The following PLD5 variants were observed in gnomAD, a reference collection of about 807,000 sequenced individuals.
The protein encoded by PLD5 is inactive phospholipase D5.
A neutral mutation model predicts 61.1 loss-of-function variants in PLD5; 36 were observed. That is an observed-to-expected ratio of 0.59 (90% CI 0.45 to 0.78). The LOEUF (loss-of-function observed/expected upper bound fraction) is 0.78. Ranked by LOEUF, PLD5 falls within the 30% of genes least tolerant of loss-of-function variation. The pLI is 0.00. For synonymous variants in PLD5, 243 were observed against 242.8 expected, an observed-to-expected ratio of 1.00 and a Z score of -0.01; for missense variants, 515 against 644.4, an observed-to-expected ratio of 0.80 and a Z score of 2.17.
chr1:242,386,752 G>T (rs532156287), intron 1 of PLD5, among the ~76,000 whole-genome samples: 1 of 152,288 alleles, frequency 6.6e-6, no homozygotes, highest in East Asian at 1.9e-4. Flanking sequence ...CTTTATAATA[G>T]AATTTCGAGA....
intron 1 of PLD5, among the ~76,000 whole-genome samples, chr1:242,388,607 G>A (rs183292460): frequency 2.6e-5 from 4 of 152,232 alleles, no homozygotes; most frequent in Non-Finnish European, 5.9e-5. Context: ...TGTTCGGTAC[G>A]CAGGTGATGC....
chr1:242,475,348 G>T (rs1354858980), intron 1 of PLD5, among the ~76,000 whole-genome samples: 1 of 149,122 alleles, frequency 6.7e-6, no homozygotes, highest in South Asian at 2.1e-4. Context: ...GCGTGAACCC[G>T]GGAAGCGGAG....
chr1:242,118,071 T>C (rs1454308645), intron 6 of PLD5, among the ~76,000 whole-genome samples: 2 of 152,176 alleles, frequency 1.3e-5, no homozygotes, highest in African/African-American at 4.8e-5. Flanking sequence ...GGCAGAGTTA[T>C]CTGTGGTCTC....
rs776204773 is a variant in PLD5 at position 242,169,571 on chromosome 1, C to T, written c.736-44906G>A. On this transcript the variant is annotated intron_variant, in intron 5 of 9. Transcript: ENST00000536534. Reference sequence around the variant, plus strand: ...ACCCCAGTGGTGCCTGGAATGCCAGCGAGACAGAACTATTCACCCCCCTGC... The same window carrying T: ...ACCCCAGTGGTGCCTGGAATGCCAGTGAGACAGAACTATTCACCCCCCTGC... Among the ~76,000 whole-genome samples the T allele has an allele frequency of 1.5e-4, 23 of 152,276 alleles. No homozygotes were observed. The South Asian group carries it at 2.1e-3, about 14-fold the overall frequency.
rs1285854255 is a variant in PLD5 at position 242,394,206 on chromosome 1, G to GTA, written c.190-45966_190-45965dup. Among the ~76,000 whole-genome samples, 35 of 37,338 alleles carry GTA rather than the reference G, an allele frequency of 9.4e-4. 7 individuals are homozygous for GTA. Among genetic ancestry groups the GTA allele is most frequent in the Non-Finnish European group, 1.5e-3 (28 of 18,486 alleles). The allele number at this position is 37,338 out of a possible 152,430, so 24.5% of individuals were successfully genotyped here. On this transcript the variant is annotated intron_variant, in intron 1 of 9. Coordinates refer to ENST00000536534, the MANE Select transcript of PLD5 (RefSeq NM_001372062.1). ...TGAGTATATATGAGTATATATATGT[G>GTA]TATATGAGTATATATATGTGTATAT...
chr1:242,222,230 C>T (rs1386975631), intron 4 of PLD5, among the ~76,000 whole-genome samples: 2 of 152,116 alleles, frequency 1.3e-5, no homozygotes, highest in African/African-American at 4.8e-5. Flanking sequence ...TGTAAAATCC[C>T]CATTTTCAAG....
intron 1 of PLD5, among the ~76,000 whole-genome samples, chr1:242,493,571 G>A (rs1029061632): frequency 2.6e-5 from 4 of 152,048 alleles, no homozygotes; most frequent in East Asian, 1.9e-4. Flanking sequence ...TGCCCTCGCC[G>A]CCACCTCCAA....
chr1:242,143,769 G>C (rs2148797146), intron 5 of PLD5, among the ~76,000 whole-genome samples: 1 of 152,160 alleles, frequency 6.6e-6, no homozygotes, highest in East Asian at 1.9e-4. Context: ...TGACTAGAGG[G>C]GGCTGATACT....
chr1:242,404,875 ATTTT>A (rs11361107), intron 1 of PLD5, among the ~76,000 whole-genome samples: 6 of 75,408 alleles, frequency 8.0e-5, no homozygotes, highest in Admixed American at 2.0e-4. Flanking sequence ...TTCCCTGCTA[ATTTT>A]TTTTTTTTTT....
Position 242,252,417 on chromosome 1 carries a change from G to A in PLD5, c.607+12920C>T, listed in dbSNP as rs572628688. ...CAAGGCAGGAACTGCTCTGTCAGAAGACAATATGTCTCTAGCCAGTCATGG... is the reference window on the plus strand; with the variant it reads ...CAAGGCAGGAACTGCTCTGTCAGAAAACAATATGTCTCTAGCCAGTCATGG... On this transcript the variant is annotated intron_variant, in intron 4 of 9. Coordinates refer to ENST00000536534, the MANE Select transcript of PLD5 (RefSeq NM_001372062.1). Among the ~76,000 whole-genome samples the A allele has an allele frequency of 8.9e-4, 135 of 152,308 alleles. 1 individual carries two copies. The highest frequency in any genetic ancestry group is 3.1e-3 in the African/African-American group (129 of 41,582).
chr1:242,186,643 A>T (rs1012098298), intron 5 of PLD5, among the ~76,000 whole-genome samples: 1 of 152,226 alleles, frequency 6.6e-6, no homozygotes, highest in African/African-American at 2.4e-5. Context: ...TCAAGAGAAA[A>T]AAAACAACTA....
intron 1 of PLD5, among the ~76,000 whole-genome samples, chr1:242,405,761 C>T (rs557160820): frequency 6.6e-6 from 1 of 152,166 alleles, no homozygotes; most frequent in East Asian, 1.9e-4. Flanking sequence ...ACTACCACAC[C>T]TTGCTAATTT....
At chr1:242,483,283 G>C (rs1667846546) in intron 1 of PLD5, among the ~76,000 whole-genome samples, 1 of 152,118 alleles carries the variant, frequency 6.6e-6, no homozygotes, top group Non-Finnish European at 1.5e-5. Flanking sequence ...AAAGAGTCAA[G>C]ACCCATCAGT....
chr1:242,106,363 A>C (rs1490390963), intron 8 of PLD5, among the ~76,000 whole-genome samples: 1 of 152,044 alleles, frequency 6.6e-6, no homozygotes, highest in Non-Finnish European at 1.5e-5. Context: ...GAAACTTTGC[A>C]TTTTCTCCCT....
intron 5 of PLD5, among the ~76,000 whole-genome samples, chr1:242,126,081 A>C (rs1164783484): frequency 6.6e-6 from 1 of 152,196 alleles, no homozygotes; most frequent in Non-Finnish European, 1.5e-5. Flanking sequence ...TAGAGCAGGT[A>C]GGGCATATCA....
At chr1:242,486,668 C>G (rs1049289441) in intron 1 of PLD5, among the ~76,000 whole-genome samples, 8 of 152,136 alleles carry the variant, frequency 5.3e-5, no homozygotes, top group Non-Finnish European at 1.2e-4. Context: ...CCTCAGGGAT[C>G]TAGAACTAGA....
chr1:242,395,075 A>G (rs112440228), intron 1 of PLD5, among the ~76,000 whole-genome samples: 41,317 of 114,604 alleles, frequency 0.36, 9,154 homozygotes, highest in African/African-American at 0.48. Flanking sequence ...ATATATGAAT[A>G]TATATGTATA....
intron 1 of PLD5, among the ~76,000 whole-genome samples, chr1:242,445,109 T>C (rs1666468560): frequency 6.6e-6 from 1 of 152,148 alleles, no homozygotes; most frequent in Admixed American, 6.5e-5. Flanking sequence ...TGTGATAGTA[T>C]TAGAAGGTAG....
At chr1:242,134,101 A>G (rs1663514532) in intron 5 of PLD5, among the ~76,000 whole-genome samples, 1 of 152,216 alleles carries the variant, frequency 6.6e-6, no homozygotes, top group Non-Finnish European at 1.5e-5. Context: ...TTGACAAAAC[A>G]CTGGGCAAGA....
Sources: allele counts gnomAD v4.1 joint callset (sites outside exome capture counted in the v4.1 genomes callset), GRCh38; gene constraint gnomAD v4.1.1; transcripts MANE v1.5; gene names NCBI Gene and HGNC (gene_info 2026-07-23, HGNC 2026-07-21).